ARNT: variants seen among roughly 807,000 people sequenced by gnomAD.
The protein encoded by ARNT is class E basic helix-loop-helix protein 2.
ARNT carries 30 observed loss-of-function variants against 105.0 expected under a neutral mutation model. The observed-to-expected ratio is 0.29, with a 90% CI of 0.21 to 0.39. The LOEUF is 0.39. ARNT is among the 10% of genes least tolerant of loss of function. The pLI is 1.00. For synonymous variants in ARNT, 304 were observed against 344.0 expected (o/e 0.88, Z 1.29); for missense variants, 748 against 978.7 (o/e 0.76, Z 3.15).
At chr1:150,839,184 T>C (rs1261377432) in intron 6 of ARNT, among the ~76,000 whole-genome samples, 3 of 152,248 alleles carry the variant, frequency 2.0e-5, no homozygotes, top group Admixed American at 6.5e-5. Context: ...GATTCCACTG[T>C]TCTTCTTCCA....
intron 9 of ARNT, 38 bp from the exon 10 acceptor site, chr1:150,831,941 ATCT>A: frequency 7.9e-7 from 1 of 1,273,872 alleles, no homozygotes; most frequent in Non-Finnish European, 1.1e-6. Context: ...AAAAAAAAAA[ATCT>A]ACCCGTAAAA....
intron 1 of ARNT, among the ~76,000 whole-genome samples, chr1:150,862,122 C>T (rs1052040778): frequency 7.2e-5 from 11 of 152,228 alleles, no homozygotes; most frequent in East Asian, 3.9e-4. Context: ...TAAATACACA[C>T]GTAGATCATT....
At chr1:150,842,576 G>T in intron 4 of ARNT, 108 bp from the exon 5 acceptor site, 1 of 817,062 alleles carries the variant, frequency 1.2e-6, no homozygotes, top group South Asian at 1.8e-5. Context: ...GAAATGGAGG[G>T]AGAAAAAAAA....
At chr1:150,829,530 C>T (rs1339964220) in intron 11 of ARNT, 2 of 599,290 alleles carry the variant, frequency 3.3e-6, no homozygotes, top group Non-Finnish European at 6.2e-6. Context: ...GTACAAGTAA[C>T]CAAGAAACTT....
chr1:150,835,438 AC>A (rs774372483), intron 7 of ARNT, among the ~76,000 whole-genome samples: 1 of 152,136 alleles, frequency 6.6e-6, no homozygotes, highest in Admixed American at 6.6e-5. Context: ...ACCTGTCTCT[AC>A]AAAAAATTTA....
rs1654630084 is a variant in ARNT at position 150,811,076 on chromosome 1, A to G, written c.*945T>C. 4.3e-6 allele frequency: 1 copy of G among 232,142 alleles called. No individual in the cohort carries two copies. The highest frequency in any genetic ancestry group is 8.5e-6 in the Non-Finnish European group (1 of 117,112). 14.4% of individuals were successfully genotyped at this position (232,142 alleles called of 1,614,324 possible). ...GACAGAAAAATGCAGCATTATCTTT[A>G]TGGCCAAGTCTCGGGTTCCAGAAAG... is the stretch of plus-strand genomic sequence containing the variant. On this transcript the variant is annotated 3_prime_UTR_variant, in exon 22 of 22. Transcript: ENST00000358595.
chr1:150,851,312 G>A (rs865895636), intron 3 of ARNT, among the ~76,000 whole-genome samples: 30 of 150,448 alleles, frequency 2.0e-4, no homozygotes, highest in Non-Finnish European at 3.7e-4. Flanking sequence ...ACCCCTTCTG[G>A]GAAGTGAGGA....
At chr1:150,849,924 G>A (rs749717280) in intron 3 of ARNT, among the ~76,000 whole-genome samples, 1 of 151,816 alleles carries the variant, frequency 6.6e-6, no homozygotes, top group Non-Finnish European at 1.5e-5. Flanking sequence ...AATTAGCCAG[G>A]TGTGGTAGTC....
At chr1:150,859,785 A>G (rs1489892784) in intron 1 of ARNT, among the ~76,000 whole-genome samples, 1 of 152,164 alleles carries the variant, frequency 6.6e-6, no homozygotes, top group Admixed American at 6.5e-5. Context: ...CAAGGTGGGC[A>G]GATCACTTGA....
Position 150,817,175 on chromosome 1 carries a change from G to A in ARNT, c.1606C>T (p.Pro536Ser). The A allele has an allele frequency of 6.2e-7, 1 of 1,614,098 alleles. No homozygotes were observed. The highest frequency in any genetic ancestry group is 8.5e-7 in the Non-Finnish European group (1 of 1,180,016). The change falls in exon 17 of 22, where the codon CCA becomes TCA. Residue 536 changes from proline to serine, a missense_variant. By Grantham distance (74) the Pro-to-Ser change is moderately conservative (BLOSUM62 -1). Around this residue, in one of 4 missense-constraint regions of ARNT, gnomAD observed 360 missense variants for 411.9 expected, o/e 0.87. Coordinates refer to ENST00000358595, the MANE Select transcript of ARNT (RefSeq NM_001668.4). ...QVVQPVTTTGPEHSKPLEKSD... is the reference protein window; with the variant it reads ...QVVQPVTTTGSEHSKPLEKSD... ...TTCTCAAGGGGCTTGCTGTGTTCTG[G>A]TCCTGTGGTTGTCACAGGCTGAACC...
rs74777809 is a variant in ARNT at position 150,839,158 on chromosome 1, T to C, written c.486+283A>G. Among the ~76,000 whole-genome samples, 6 of 152,326 alleles carry C rather than the reference T, an allele frequency of 3.9e-5. No individual in the cohort carries two copies. In the East Asian group the frequency reaches 9.6e-4, roughly 24 times the overall value. On this transcript the variant is annotated intron_variant, in intron 6 of 21. Coordinates refer to ENST00000358595, the MANE Select transcript of ARNT (RefSeq NM_001668.4). ...AGAAAGAAAATTGGTTCCATGGACATAGTCATTTCCTCTGTGATTCCACTG... is the reference window on the plus strand; with the variant it reads ...AGAAAGAAAATTGGTTCCATGGACACAGTCATTTCCTCTGTGATTCCACTG...
chr1:150,840,661 C>T (rs1178876979), intron 5 of ARNT, among the ~76,000 whole-genome samples: 7 of 152,020 alleles, frequency 4.6e-5, no homozygotes, highest in Non-Finnish European at 7.4e-5. Context: ...CAGTCTGGGA[C>T]GAAGTTAACT....
chr1:150,860,263 T>C (rs1220456128), intron 1 of ARNT, among the ~76,000 whole-genome samples: 1 of 135,182 alleles, frequency 7.4e-6, no homozygotes, highest in Non-Finnish European at 1.5e-5. Flanking sequence ...TCGCCCAGGC[T>C]GGAGTGCAGT....
intron 1 of ARNT, among the ~76,000 whole-genome samples, chr1:150,874,464 G>T (rs587597909): frequency 6.6e-6 from 1 of 152,332 alleles, no homozygotes; most frequent in East Asian, 1.9e-4. Flanking sequence ...GGCAAGGCTT[G>T]CTTGAGACCA....
rs940467216 is a variant in ARNT, at chr1:150,846,285, T to C, written c.205A>G (p.Asn69Asp). The change falls in exon 4 of 22, where the codon AAC becomes GAC. Residue 69 changes from asparagine to aspartate, a missense_variant. By Grantham distance (23) the Asn-to-Asp change is conservative. This residue lies in a region of ARNT where 93 missense variants were observed against 101.6 expected (regional missense o/e 0.92). Coordinates refer to ENST00000358595, the MANE Select transcript of ARNT (RefSeq NM_001668.4). ...FLRCDDDQMS[N>D]DKERFARSDD... The stretch of plus-strand genomic sequence containing the variant: ...TACCTGGCAAACCGCTCCTTATCGT[T>C]AGACATCTGATCATCATCACACCTG... 6.2e-7 allele frequency: 1 copy of C among 1,613,800 alleles called. No individual in the cohort carries two copies. Among genetic ancestry groups the C allele is most frequent in the Non-Finnish European group, 8.5e-7 (1 of 1,179,746 alleles).
chr1:150,845,051 C>A (rs1040868453), intron 4 of ARNT, among the ~76,000 whole-genome samples: 3 of 152,050 alleles, frequency 2.0e-5, no homozygotes, highest in African/African-American at 7.2e-5. Flanking sequence ...CTCAAGTGAT[C>A]CACCTGCATC....
chr1:150,855,045 C>G (rs185133625), intron 2 of ARNT, among the ~76,000 whole-genome samples: 1 of 152,062 alleles, frequency 6.6e-6, no homozygotes, highest in South Asian at 2.1e-4. Context: ...ATCCTCCTAC[C>G]TCAGCCTCCC....
chr1:150,865,070 G>C (rs1666332572), intron 1 of ARNT, among the ~76,000 whole-genome samples: 1 of 151,804 alleles, frequency 6.6e-6, no homozygotes, highest in South Asian at 2.1e-4. Context: ...TTTAAAGTTT[G>C]AAGTAATAGA....
chr1:150,865,089 G>A (rs1023845583), intron 1 of ARNT, among the ~76,000 whole-genome samples: 1 of 151,634 alleles, frequency 6.6e-6, no homozygotes, highest in African/African-American at 2.4e-5. Flanking sequence ...GAAGTAGGAA[G>A]ACAAGATTAA....
Sources: gnomAD v4.1 joint callset for allele counts (sites outside exome capture counted in the v4.1 genomes callset) on GRCh38, gnomAD v4.1.1 for gene constraint, gnomAD v4.1.1 regional missense constraint, MANE v1.5 for transcripts, NCBI Gene and HGNC (gene_info 2026-07-23, HGNC 2026-07-21) for gene names.